GSE1: variants seen among roughly 807,000 people sequenced by gnomAD.
GSE1 encodes Gse1 coiled-coil protein.
GSE1 carries 32 observed loss-of-function variants against 112.6 expected under a neutral mutation model. The observed-to-expected ratio is 0.28, with a 90% CI of 0.21 to 0.38. The LOEUF is 0.38. Among genes scored for constraint, GSE1 ranks in the 10% least tolerant of loss-of-function variants. The probability of loss-of-function intolerance (pLI) is 1.00; values close to 1 mark genes in which losing one functional copy is unlikely to be tolerated. For synonymous variants in GSE1, 1,115 were observed against 735.6 expected (o/e 1.52, Z -8.35); for missense variants, 2,348 against 1,699.2 (o/e 1.38, Z -6.71).
chr16:85,602,888 C>G (rs1405878770), intron 1 of GSE1, among the ~76,000 whole-genome samples: 1 of 152,250 alleles, frequency 6.6e-6, no homozygotes, highest in Non-Finnish European at 1.5e-5. Flanking sequence ...ACACTGGTCT[C>G]AGGTCAGGGG....
At chr16:85,325,532 A>C (rs189072349) in intron 1 of GSE1, among the ~76,000 whole-genome samples, 72 of 152,008 alleles carry the variant, frequency 4.7e-4, no homozygotes, top group African/African-American at 1.7e-3. Context: ...GCTCACTGCA[A>C]CCTCCGCCTC....
chr16:85,267,464 G>A (rs889362914), intron 1 of GSE1, among the ~76,000 whole-genome samples: 1 of 152,138 alleles, frequency 6.6e-6, no homozygotes. Context: ...GTGACCGTGG[G>A]GGGTGGGGGA....
At chr16:85,571,013 G>C (rs1331153733) in intron 1 of GSE1, among the ~76,000 whole-genome samples, 2 of 152,214 alleles carry the variant, frequency 1.3e-5, no homozygotes, top group African/African-American at 4.8e-5. Flanking sequence ...CTTTTGAAAA[G>C]GGAAGGTGGG....
At chr16:85,223,963 C>T (rs915372457) in intron 1 of GSE1, among the ~76,000 whole-genome samples, 3 of 152,210 alleles carry the variant, frequency 2.0e-5, no homozygotes, top group African/African-American at 7.2e-5. Context: ...TTCACAAGGC[C>T]GTGCAACCAC....
intron 2 of GSE1, among the ~76,000 whole-genome samples, chr16:85,358,113 C>G (rs538185653): frequency 1.3e-5 from 2 of 152,252 alleles, no homozygotes; most frequent in East Asian, 3.9e-4. Context: ...TCCTCCCCCT[C>G]CCACTCCCGC....
intron 2 of GSE1, among the ~76,000 whole-genome samples, chr16:85,532,293 C>G (rs1329740544): frequency 6.6e-6 from 1 of 152,170 alleles, no homozygotes; most frequent in African/African-American, 2.4e-5. Context: ...CAGAGTCTTG[C>G]TCTGTTGCCC....
In GSE1 at chr16:85,284,425, C is replaced by T. The variant is rs2044953982; in HGVS notation, c.2284-73038C>T. Among the ~76,000 whole-genome samples, 4 of 152,322 alleles carry T rather than the reference C, an allele frequency of 2.6e-5. No individual in the cohort carries two copies. In the South Asian group the frequency reaches 8.3e-4, roughly 32 times the overall value. ...GACTCTGGGAGGTGCCAGGTGAGAC[C>T]TGCCTCCCTGCCCTGCGCTCAGCCT... is the stretch of plus-strand genomic sequence containing the variant. On this transcript the variant is annotated intron_variant, in intron 1 of 2. Transcript: ENST00000637419.
chr16:85,401,983 G>A (rs371633848), intron 2 of GSE1, among the ~76,000 whole-genome samples: 89 of 152,324 alleles, frequency 5.8e-4, no homozygotes, highest in African/African-American at 1.8e-3. Flanking sequence ...TCTGGAGCTC[G>A]CCCTGAGGGA....
At chr16:85,333,525 G>A (rs373304769) in intron 1 of GSE1, among the ~76,000 whole-genome samples, 3 of 152,242 alleles carry the variant, frequency 2.0e-5, no homozygotes, top group African/African-American at 7.2e-5. Flanking sequence ...TGGGGGGCCT[G>A]GGTCAGGTGC....
chr16:85,182,609 A>G (rs1223713645), intron 1 of GSE1, among the ~76,000 whole-genome samples: 1 of 152,184 alleles, frequency 6.6e-6, no homozygotes, highest in Non-Finnish European at 1.5e-5. Context: ...AGCACTTCCC[A>G]TTAACGGGAG....
chr16:85,574,458 T>C (rs1279982567), intron 1 of GSE1, among the ~76,000 whole-genome samples: 2 of 152,168 alleles, frequency 1.3e-5, no homozygotes, highest in Non-Finnish European at 2.9e-5. Context: ...AACCCGAGGC[T>C]TACTCCCTGC....
At chr16:85,659,924 G>C (rs1036935051) in intron 8 of GSE1, among the ~76,000 whole-genome samples, 8 of 152,240 alleles carry the variant, frequency 5.3e-5, no homozygotes, top group African/African-American at 2.4e-5. Flanking sequence ...AGTTGTGACA[G>C]GGGCCACTGG....
chr16:85,553,356 G>A (rs1410401534), upstream of GSE1, among the ~76,000 whole-genome samples: 2 of 151,344 alleles, frequency 1.3e-5, no homozygotes, highest in East Asian at 3.9e-4. Flanking sequence ...CCGCCACGCA[G>A]CTCCGGAAAC....
At chr16:85,364,717 C>T (rs973114515) in intron 2 of GSE1, among the ~76,000 whole-genome samples, 1 of 152,174 alleles carries the variant, frequency 6.6e-6, no homozygotes, top group Non-Finnish European at 1.5e-5. Flanking sequence ...TCCAGTGACC[C>T]ATGCCGTTCC....
chr16:85,589,066 A>C (rs773341651), intron 1 of GSE1, among the ~76,000 whole-genome samples: 39 of 152,026 alleles, frequency 2.6e-4, no homozygotes, highest in Admixed American at 4.6e-4. Flanking sequence ...CAGGCCCCCA[A>C]ATCCTCCCCT....
At chr16:85,476,748 A>G (rs1242772223) in intron 2 of GSE1, among the ~76,000 whole-genome samples, 2 of 149,910 alleles carry the variant, frequency 1.3e-5, no homozygotes, top group Non-Finnish European at 3.0e-5. Context: ...AGCTGGGACT[A>G]TAGGCGTGCA....
chr16:85,558,945 C>G (rs1418929298), intron 1 of GSE1, among the ~76,000 whole-genome samples: 8 of 151,734 alleles, frequency 5.3e-5, no homozygotes, highest in Middle Eastern at 3.4e-3. Context: ...GCAACCTCCA[C>G]CTTCCAGGTT....
At chr16:85,284,214 A>G (rs985954631) in intron 1 of GSE1, among the ~76,000 whole-genome samples, 1 of 152,232 alleles carries the variant, frequency 6.6e-6, no homozygotes, top group African/African-American at 2.4e-5. Context: ...GTCGTGCTTT[A>G]GCTGTCGCTG....
intron 1 of GSE1, among the ~76,000 whole-genome samples, chr16:85,249,884 G>A (rs970600419): frequency 6.6e-6 from 1 of 152,260 alleles, no homozygotes; most frequent in Admixed American, 6.5e-5. Context: ...GGGCAGCAAT[G>A]TCACAGCTGC....
Sources: allele counts gnomAD v4.1 joint callset (sites outside exome capture counted in the v4.1 genomes callset), GRCh38; gene constraint gnomAD v4.1.1; transcripts MANE v1.5; gene names NCBI Gene and HGNC (gene_info 2026-07-23, HGNC 2026-07-21).